Variants in CDH7 observed in about 807,000 individuals in gnomAD.
The protein encoded by CDH7 is cadherin 7, also known as cadherin-7.
A neutral mutation model predicts 71.8 loss-of-function variants in CDH7; 25 were observed. The observed-to-expected ratio is 0.35, with a 90% CI of 0.25 to 0.49. The LOEUF (loss-of-function observed/expected upper bound fraction) is 0.49. Among genes scored for constraint, CDH7 ranks in the 20% least tolerant of loss-of-function variants. CDH7 has a pLI of 0.99. For missense variants in CDH7, 862 were observed against 974.6 expected (o/e 0.88, Z 1.54); for synonymous variants, 381 against 363.8 (o/e 1.05, Z -0.54).
At chr18:65,756,438 G>C (rs1015374668) in intron 1 of CDH7, among the ~76,000 whole-genome samples, 3 of 152,144 alleles carry the variant, frequency 2.0e-5, no homozygotes, top group Non-Finnish European at 4.4e-5. Context: ...ATTGAATTTA[G>C]TCTTGGACTA....
At chr18:65,774,623 C>CGGGG (rs139698812) in intron 2 of CDH7, among the ~76,000 whole-genome samples, 6,129 of 151,998 alleles carry the variant, frequency 0.04, 385 homozygotes, top group African/African-American at 0.14. Flanking sequence ...ACGATTTCCT[C>CGGGG]GGGGCCGTCA....
intron 2 of CDH7, among the ~76,000 whole-genome samples, chr18:65,766,885 TAAAAAAAAAAAAAA>T (rs61611288): frequency 0.023 from 2,075 of 88,584 alleles, 72 homozygotes; most frequent in African/African-American, 0.059. Flanking sequence ...CTGTCTGACG[TAAAAAAAAAAAAAA>T]AAAAAAAAAA....
chr18:65,783,634 C>T (rs945278571), intron 2 of CDH7, among the ~76,000 whole-genome samples: 7 of 152,006 alleles, frequency 4.6e-5, no homozygotes, highest in Non-Finnish European at 8.8e-5. Flanking sequence ...TTTGAGAGGA[C>T]GTTGGTGGGC....
chr18:65,793,537 A>T (rs2143863631), intron 2 of CDH7, among the ~76,000 whole-genome samples: 1 of 152,290 alleles, frequency 6.6e-6, no homozygotes, highest in East Asian at 1.9e-4. Flanking sequence ...CTGTAAAACA[A>T]TATTATCACA....
rs17075228 is a variant in CDH7 at position 65,809,871 on chromosome 18, T to C, written c.378T>C (p.Asp126=). Reference sequence around the variant, plus strand: ...ACACGCTCCGAGCTCAAGCGCTGGATAGGCTCACCAACAAACCCGTGGAGC... The same window carrying C: ...ACACGCTCCGAGCTCAAGCGCTGGACAGGCTCACCAACAAACCCGTGGAGC... ...AYYTLRAQAL[D]RLTNKPVEPE... Residue 126 remains aspartate (D), a synonymous_variant, in exon 3 of 12, where the codon GAT becomes GAC. Transcript: ENST00000397968. 2.8e-3 allele frequency: 4,559 copies of C among 1,613,844 alleles called. 107 individuals carry two copies. In the African/African-American group the frequency reaches 0.052, roughly 18 times the overall value.
intron 2 of CDH7, among the ~76,000 whole-genome samples, chr18:65,784,328 A>G (rs911833046): frequency 5.3e-5 from 8 of 152,238 alleles, no homozygotes; most frequent in Non-Finnish European, 7.4e-5. Context: ...TGCAGGAATG[A>G]ACAAAGTGGA....
At chr18:65,790,754 A>T (rs1408032127) in intron 2 of CDH7, among the ~76,000 whole-genome samples, 1 of 152,196 alleles carries the variant, frequency 6.6e-6, no homozygotes, top group Non-Finnish European at 1.5e-5. Context: ...CTGTAATCCC[A>T]GCAGCTCAGG....
At chr18:65,834,828 G>A (rs147290107) in intron 6 of CDH7, among the ~76,000 whole-genome samples, 2,425 of 152,242 alleles carry the variant, frequency 0.016, 26 homozygotes, top group Middle Eastern at 0.031. Context: ...ATTTTATCTG[G>A]ATATGCTGCC....
rs1456527021 is a variant in CDH7, at chr18:65,859,468, T to A, written c.1495-240T>A. ...ATGTTTCCTGGGATGTCTAATCAAT[T>A]GGAACAGCTTATTTCTGAAGTTCAC... On this transcript the variant is annotated intron_variant, in intron 9 of 11. Coordinates refer to ENST00000397968, the MANE Select transcript of CDH7 (RefSeq NM_004361.5). 6.6e-4 allele frequency among the ~76,000 whole-genome samples: 101 copies of A among 152,332 alleles called. 1 individual carries two copies. In the East Asian group the frequency reaches 0.019, roughly 29 times the overall value.
chr18:65,862,965 C>A (rs1913630880), intron 11 of CDH7, 48 bp downstream of exon 11: 1 of 1,588,798 alleles, frequency 6.3e-7, no homozygotes. Context: ...TCACAATAAC[C>A]ACATGTCACG....
At chr18:65,842,453 T>C in intron 6 of CDH7, among the ~76,000 whole-genome samples, 1 of 151,862 alleles carries the variant, frequency 6.6e-6, no homozygotes, top group Non-Finnish European at 1.5e-5. Flanking sequence ...TTAATATTTG[T>C]GTGCAAACAT....
intron 2 of CDH7, among the ~76,000 whole-genome samples, chr18:65,785,014 T>G (rs150807077): frequency 6.6e-6 from 1 of 152,328 alleles, no homozygotes; most frequent in East Asian, 1.9e-4. Context: ...TTTTGTTCTT[T>G]TATGGTATCT....
chr18:65,763,122 T>A (rs1916250508), intron 2 of CDH7, 70 bp downstream of exon 2: 1 of 799,206 alleles, frequency 1.3e-6, no homozygotes, highest in East Asian at 3.1e-5. Context: ...GAAAAACTGC[T>A]ATATATATAT....
At chr18:65,821,968 C>A in intron 4 of CDH7, 113 bp from the exon 5 acceptor site, 1 of 764,592 alleles carries the variant, frequency 1.3e-6, no homozygotes, top group Non-Finnish European at 2.2e-6. Context: ...TTAAAGTAAA[C>A]AAAACAACAA....
intron 3 of CDH7, 103 bp downstream of exon 3, chr18:65,810,101 T>A: frequency 1.0e-6 from 1 of 959,690 alleles, no homozygotes; most frequent in Non-Finnish European, 1.6e-6. Flanking sequence ...AAAACCTTAC[T>A]AGTATGTGTG....
Position 65,782,061 on chromosome 18 carries a change from C to CCTTT in CDH7, c.210+19027_210+19030dup, listed in dbSNP as rs1429619922. On this transcript the variant is annotated intron_variant, in intron 2 of 11. Transcript: ENST00000397968. ...TCCTTCCTTCCTTCCTTCCTTCCTT[C>CCTTT]CTTTCTTTCTTTCTTTCTTTCCTTC... Among the ~76,000 whole-genome samples, 17 of 38,270 alleles carry CCTTT rather than the reference C, an allele frequency of 4.4e-4. 3 individuals are homozygous for CCTTT. The highest frequency in any genetic ancestry group is 9.6e-4 in the East Asian group (1 of 1,044). 25.1% of individuals were successfully genotyped at this position (38,270 alleles called of 152,430 possible).
rs144737683 is a variant in CDH7 at position 65,832,276 on chromosome 18, T to C, written c.981+7445T>C. On this transcript the variant is annotated intron_variant, in intron 6 of 11. Coordinates refer to ENST00000397968, the MANE Select transcript of CDH7 (RefSeq NM_004361.5). ...TGTGAAAATTATCATTGTATTTTGCTACATTTGAATGTATTATACTTGGCA... is the reference window on the plus strand; with the variant it reads ...TGTGAAAATTATCATTGTATTTTGCCACATTTGAATGTATTATACTTGGCA... Among the ~76,000 whole-genome samples, 1,339 of 152,214 alleles carry C rather than the reference T, an allele frequency of 8.8e-3. 17 individuals carry two copies. Among genetic ancestry groups the C allele is most frequent in the African/African-American group, 0.03 (1,263 of 41,536 alleles).
intron 7 of CDH7, among the ~76,000 whole-genome samples, chr18:65,847,851 G>A (rs150491331): frequency 6.6e-6 from 1 of 152,106 alleles, no homozygotes; most frequent in East Asian, 1.9e-4. Flanking sequence ...CATGTACACT[G>A]TACTGTCCTT....
chr18:65,751,496 C>T (rs542597832), intron 1 of CDH7, among the ~76,000 whole-genome samples: 12 of 152,300 alleles, frequency 7.9e-5, no homozygotes, highest in South Asian at 2.1e-4. Context: ...TCAAAGAGGA[C>T]CACAAGCAGG....
Sources: allele counts gnomAD v4.1 joint callset (sites outside exome capture counted in the v4.1 genomes callset), GRCh38; gene constraint gnomAD v4.1.1; transcripts MANE v1.5; gene names NCBI Gene and HGNC (gene_info 2026-07-23, HGNC 2026-07-21).